Variants in PTPRN2 observed in about 807,000 individuals in gnomAD.
PTPRN2 encodes the protein receptor-type tyrosine-protein phosphatase N2.
In PTPRN2, 74 loss-of-function variants were observed where a neutral mutation model predicts 118.8. The observed-to-expected ratio is 0.62, with a 90% CI of 0.52 to 0.76. The LOEUF is 0.76. PTPRN2 is among the 30% of genes least tolerant of loss of function. The pLI is 0.00. For missense variants in PTPRN2, 1,481 were observed against 1,394.4 expected (o/e 1.06, Z -0.99); for synonymous variants, 641 against 608.0 (o/e 1.05, Z -0.80).
rs748229285 is a variant in PTPRN2, at chr7:158,489,789, C to T, written c.113-4G>A. 4.2e-5 allele frequency: 66 copies of T among 1,573,154 alleles called. No individual in the cohort carries two copies. The highest frequency in any genetic ancestry group is 5.3e-5 in the Non-Finnish European group (61 of 1,160,038). ...AGGCCCTCCTCGAGCAGGCAGCCTG[C>T]GGGGAAACAGAGAAGAGACGCGGTC... On this transcript the variant is annotated splice_region_variant and splice_polypyrimidine_tract_variant and intron_variant, in intron 1 of 22. Coordinates refer to ENST00000389418, the MANE Select transcript of PTPRN2 (RefSeq NM_002847.5).
At chr7:158,272,508 TAC>T (rs137887370) in intron 3 of PTPRN2, among the ~76,000 whole-genome samples, 3,244 of 152,194 alleles carry the variant, frequency 0.021, 127 homozygotes, top group African/African-American at 0.074. Context: ...GCCCAGAAAA[TAC>T]AGTCTGCATG....
At chr7:158,121,787 C>A (rs943648059) in intron 9 of PTPRN2, among the ~76,000 whole-genome samples, 6 of 152,216 alleles carry the variant, frequency 3.9e-5, no homozygotes, top group Non-Finnish European at 7.3e-5. Context: ...GTGTACGGGA[C>A]GTGCAGTCCA....
rs532516932 is a variant in PTPRN2, at chr7:158,142,250, C to T, written c.911-3735G>A. Among the ~76,000 whole-genome samples, 38 of 152,348 alleles carry T rather than the reference C, an allele frequency of 2.5e-4. No homozygotes were observed. The South Asian group carries it at 7.2e-3, about 29-fold the overall frequency. On this transcript the variant is annotated intron_variant, in intron 6 of 22. Coordinates refer to ENST00000389418, the MANE Select transcript of PTPRN2 (RefSeq NM_002847.5). ...TGTGGGCTCAGACTCCAGGCCGCTG[C>T]CCTAGTCACCCTGGGGCAAGGACCA...
intron 12 of PTPRN2, among the ~76,000 whole-genome samples, chr7:157,714,942 T>G (rs1173318519): frequency 6.6e-6 from 1 of 152,176 alleles, no homozygotes; most frequent in African/African-American, 2.4e-5. Flanking sequence ...GAATGTATTC[T>G]GGGTCTCCCG....
chr7:158,568,553 A>G (rs1827794909), intron 1 of PTPRN2, among the ~76,000 whole-genome samples: 1 of 152,178 alleles, frequency 6.6e-6, no homozygotes, highest in Admixed American at 6.5e-5. Flanking sequence ...GGGGTAAATC[A>G]TATGACTGAC....
chr7:158,570,025 C>T lies in PTPRN2; in HGVS notation c.112+17533G>A, dbSNP rs556477670. Among the ~76,000 whole-genome samples, 1 of 152,190 alleles carries T rather than the reference C, an allele frequency of 6.6e-6. No individual in the cohort carries two copies. Among genetic ancestry groups the T allele is most frequent in the South Asian group, 2.1e-4 (1 of 4,838 alleles). On this transcript the variant is annotated intron_variant, in intron 1 of 22. Transcript: ENST00000389418. This position sits in a 1 kb window ranked among gnomAD's most constrained non-coding sequence, Gnocchi z 4.5. ...GAGCCCACGCGCCAAGGCCGCCAGG[C>T]CTTTCCTCCCTCGCGTTCCCTCAGG...
At chr7:157,688,886 T>A (rs546350177) in intron 12 of PTPRN2, among the ~76,000 whole-genome samples, 1 of 152,116 alleles carries the variant, frequency 6.6e-6, no homozygotes, top group South Asian at 2.1e-4. Context: ...ACAGGAGTCA[T>A]AAAGATCAGG....
Position 158,185,318 on chromosome 7 carries a change from G to A in PTPRN2, c.549+7009C>T, listed in dbSNP as rs944055335. Among the ~76,000 whole-genome samples, 2 of 152,148 alleles carry A rather than the reference G, an allele frequency of 1.3e-5. 1 individual carries two copies. Among genetic ancestry groups the A allele is most frequent in the Non-Finnish European group, 2.9e-5 (2 of 68,036 alleles). ...TATATAACATACTCAAAAAGAATGT[G>A]TGTTTAGCAGTTTTTAGGTGTATCA... On this transcript the variant is annotated intron_variant, in intron 5 of 22. Coordinates refer to ENST00000389418, the MANE Select transcript of PTPRN2 (RefSeq NM_002847.5).
chr7:158,435,546 A>G (rs1359782993), intron 2 of PTPRN2, among the ~76,000 whole-genome samples: 1 of 152,196 alleles, frequency 6.6e-6, no homozygotes, highest in Non-Finnish European at 1.5e-5. Flanking sequence ...TAGAACTACT[A>G]TTTGATCCAG....
At chr7:158,187,896 C>T (rs1222898039) in intron 5 of PTPRN2, among the ~76,000 whole-genome samples, 1 of 152,168 alleles carries the variant, frequency 6.6e-6, no homozygotes, top group African/African-American at 2.4e-5. Flanking sequence ...GTGACACAGC[C>T]AAACTTATCA....
In PTPRN2 at chr7:158,111,556, C is replaced by T. The variant is rs1228906207; in HGVS notation, c.1557-641G>A. 2.0e-5 allele frequency among the ~76,000 whole-genome samples: 3 copies of T among 152,228 alleles called. No homozygotes were observed. In the East Asian group the frequency reaches 5.8e-4, roughly 29 times the overall value. ...GAAAGTCACAAGTTGCCTGTGAAATCCTGTTAGTACCACTTTAATGGAGTA... is the reference window on the plus strand; with the variant it reads ...GAAAGTCACAAGTTGCCTGTGAAATTCTGTTAGTACCACTTTAATGGAGTA... On this transcript the variant is annotated intron_variant, in intron 9 of 22. Transcript: ENST00000389418.
At position 157,674,838 on chromosome 7, in the gene PTPRN2, T is replaced by A. The variant is rs992427136; in HGVS notation, c.2001+7887A>T. 6.6e-6 allele frequency among the ~76,000 whole-genome samples: 1 copy of A among 152,182 alleles called. No individual in the cohort carries two copies. Among genetic ancestry groups the A allele is most frequent in the African/African-American group, 2.4e-5 (1 of 41,458 alleles). ...GTCTCCTCCCACGCCGAGCTCCTCC[T>A]GCCGGGGGGGTCTGCACAGTTCTGG... On this transcript the variant is annotated intron_variant, in intron 13 of 22. Coordinates refer to ENST00000389418, the MANE Select transcript of PTPRN2 (RefSeq NM_002847.5). The surrounding 1 kb of genome is among the most constrained non-coding windows in gnomAD (Gnocchi z 4.5).
chr7:158,310,629 C>G (rs1463589426), intron 3 of PTPRN2, among the ~76,000 whole-genome samples: 3 of 152,128 alleles, frequency 2.0e-5, no homozygotes, highest in Admixed American at 6.5e-5. Flanking sequence ...CCCTGCGCAG[C>G]CTGAGCCAGA....
At chr7:158,391,748 G>A (rs549961680) in intron 2 of PTPRN2, among the ~76,000 whole-genome samples, 83 of 152,340 alleles carry the variant, frequency 5.4e-4, no homozygotes, top group African/African-American at 1.9e-3. Context: ...GGGGATGGGA[G>A]GAGGCAGGAG....
intron 1 of PTPRN2, among the ~76,000 whole-genome samples, chr7:158,518,701 G>A (rs1283606515): frequency 6.6e-6 from 1 of 152,142 alleles, no homozygotes; most frequent in Non-Finnish European, 1.5e-5. Flanking sequence ...AATGTTACTT[G>A]AGGCCAGGCG....
chr7:157,915,592 T>G (rs1798352258), intron 11 of PTPRN2, among the ~76,000 whole-genome samples: 1 of 152,084 alleles, frequency 6.6e-6, no homozygotes. Context: ...GGGTCCCAGC[T>G]CCATGTGGCA....
At chr7:158,071,682 C>CGTGG (rs1811773382) in intron 11 of PTPRN2, among the ~76,000 whole-genome samples, 1 of 39,668 alleles carries the variant, frequency 2.5e-5, no homozygotes, top group Non-Finnish European at 5.1e-5. Context: ...GGAGGTGCTC[C>CGTGG]TGGTGGAGGT....
rs2951739 is a variant in PTPRN2 at position 158,457,791 on chromosome 7, G to A, written c.163+31944C>T. ...CAGCGGATGCGCGGCCCCAGTCAGC[G>A]CACGGTGAGGGGCGTTAACACCAGA... On this transcript the variant is annotated intron_variant, in intron 2 of 22. Transcript: ENST00000389418. 2.2e-3 allele frequency among the ~76,000 whole-genome samples: 283 copies of A among 129,434 alleles called. 3 individuals are homozygous for A. Among genetic ancestry groups the A allele is most frequent in the African/African-American group, 7.3e-3 (238 of 32,488 alleles). The allele number at this position is 129,434 out of a possible 152,430, so 84.9% of individuals were successfully genotyped here.
chr7:158,276,431 C>T lies in PTPRN2; in HGVS notation c.277+40388G>A, dbSNP rs11771959. Among the ~76,000 whole-genome samples the T allele has an allele frequency of 7.4e-3, 131 of 17,586 alleles. 12 individuals are homozygous for T. Among genetic ancestry groups the T allele is most frequent in the South Asian group, 0.033 (7 of 212 alleles). The allele number at this position is 17,586 out of a possible 152,430, so 11.5% of individuals were successfully genotyped here. A position where few individuals can be genotyped will look rare whatever the true frequency, so the allele number is the denominator to read the frequency against. ...ACCCCGGCCCCGACAGGCTGTAAGG[C>T]AGCACCCCCACACCCCGGCCCCAAC... is the stretch of plus-strand genomic sequence containing the variant. On this transcript the variant is annotated intron_variant, in intron 3 of 22. Transcript: ENST00000389418.
Sources: gnomAD v4.1 joint callset for allele counts (sites outside exome capture counted in the v4.1 genomes callset) on GRCh38, gnomAD v4.1.1 for gene constraint, Gnocchi (gnomAD v3.1) non-coding constraint, MANE v1.5 for transcripts, NCBI Gene and HGNC (gene_info 2026-07-23, HGNC 2026-07-21) for gene names.